PLEKHG7: variants seen among roughly 807,000 people sequenced by gnomAD.
The protein encoded by PLEKHG7 is pleckstrin homology domain-containing family G member 7.
Under a neutral mutation model 85.2 loss-of-function variants are expected in PLEKHG7, and 77 were observed. That is an observed-to-expected ratio of 0.90 (90% CI 0.75 to 1.09). The LOEUF (loss-of-function observed/expected upper bound fraction) is 1.09. PLEKHG7 is among the 50% of genes least tolerant of loss of function. The probability of loss-of-function intolerance (pLI) is 0.00; values close to 1 mark genes in which losing one functional copy is unlikely to be tolerated. For missense variants in PLEKHG7, 777 were observed against 804.3 expected (o/e 0.97, Z 0.41); for synonymous variants, 301 against 302.4 (o/e 1.00, Z 0.05).
At chr12:92,754,771 T>G (rs1872780786) in intron 11 of PLEKHG7, among the ~76,000 whole-genome samples, 1 of 152,198 alleles carries the variant, frequency 6.6e-6, no homozygotes, top group Non-Finnish European at 1.5e-5. Context: ...TTAAGTTTAT[T>G]TGTGTAACTC....
chr12:92,705,037 C>T (rs898554118), intron 1 of PLEKHG7, among the ~76,000 whole-genome samples: 14 of 152,336 alleles, frequency 9.2e-5, no homozygotes, highest in Admixed American at 7.2e-4. Context: ...ATTATCTATT[C>T]ACAAGGTTGT....
At chr12:92,763,152 A>G (rs1293929962) in intron 14 of PLEKHG7, among the ~76,000 whole-genome samples, 1 of 152,210 alleles carries the variant, frequency 6.6e-6, no homozygotes, top group Admixed American at 6.5e-5. Context: ...TATGCATCAC[A>G]AGTTGATTCC....
chr12:92,712,026 G>A (rs1871376318), intron 3 of PLEKHG7, among the ~76,000 whole-genome samples: 1 of 152,174 alleles, frequency 6.6e-6, no homozygotes, highest in South Asian at 2.1e-4. Flanking sequence ...TATCTTGAAA[G>A]GTCCCACACC....
In PLEKHG7 at chr12:92,745,727, T is replaced by G. The variant is rs191788542; in HGVS notation, c.1251+136T>G. On this transcript the variant is annotated intron_variant, in intron 10 of 16. Coordinates refer to ENST00000344636, the MANE Select transcript of PLEKHG7 (RefSeq NM_001377329.1). ...CAATAATATGTTTTAACTACAAATC[T>G]GCTTTCCTCATAAATACATTGTCCA... 3 of 616,040 alleles carry G rather than the reference T, an allele frequency of 4.9e-6. No homozygotes were observed. The East Asian group carries it at 8.6e-5, about 18-fold the overall frequency. The allele number at this position is 616,040 out of a possible 1,614,324, so 38.2% of individuals were successfully genotyped here. A position where few individuals can be genotyped will look rare whatever the true frequency, so the allele number is the denominator to read the frequency against.
intron 1 of PLEKHG7, among the ~76,000 whole-genome samples, chr12:92,703,793 T>C (rs1013486613): frequency 1.3e-5 from 2 of 152,240 alleles, no homozygotes; most frequent in African/African-American, 4.8e-5. Flanking sequence ...CAGTGGCTAA[T>C]AAATAATTCT....
At chr12:92,710,969 A>G (rs1201678683) in intron 3 of PLEKHG7, among the ~76,000 whole-genome samples, 1 of 152,222 alleles carries the variant, frequency 6.6e-6, no homozygotes, top group African/African-American at 2.4e-5. Context: ...GACCACTCAG[A>G]GAGGTCTATC....
intron 3 of PLEKHG7, chr12:92,721,602 C>A: frequency 9.0e-7 from 1 of 1,113,236 alleles, no homozygotes; most frequent in South Asian, 4.5e-5. Context: ...GTGTCCTGCT[C>A]TAGAGAGCTG....
At chr12:92,708,618 A>G (rs1378079111) in intron 3 of PLEKHG7, 1 of 152,208 alleles carries the variant, frequency 6.6e-6, no homozygotes. Flanking sequence ...GGTTTAGCTG[A>G]GCAGTTCCAC....
intron 4 of PLEKHG7, among the ~76,000 whole-genome samples, chr12:92,729,807 T>G (rs1033533561): frequency 6.6e-6 from 1 of 152,114 alleles, no homozygotes; most frequent in African/African-American, 2.4e-5. Flanking sequence ...AAATCCAATG[T>G]ATAAAACAAA....
At chr12:92,744,959 G>A (rs1320633427) in intron 9 of PLEKHG7, among the ~76,000 whole-genome samples, 2 of 152,100 alleles carry the variant, frequency 1.3e-5, no homozygotes, top group African/African-American at 4.8e-5. Context: ...GAGCCACTGC[G>A]CCCAGCCAAG....
At chr12:92,758,568 C>T (rs1328242219) in intron 13 of PLEKHG7, among the ~76,000 whole-genome samples, 1 of 152,204 alleles carries the variant, frequency 6.6e-6, no homozygotes, top group Non-Finnish European at 1.5e-5. Context: ...AAGTGACTGT[C>T]ATAGATGTAT....
At chr12:92,761,081 G>T (rs1872976384) in intron 13 of PLEKHG7, among the ~76,000 whole-genome samples, 1 of 152,186 alleles carries the variant, frequency 6.6e-6, no homozygotes, top group Admixed American at 6.5e-5. Context: ...TACTGGATCA[G>T]TGCACCAGCC....
intron 3 of PLEKHG7, among the ~76,000 whole-genome samples, chr12:92,717,602 G>C (rs1035558068): frequency 2.6e-5 from 4 of 152,196 alleles, no homozygotes; most frequent in African/African-American, 9.7e-5. Flanking sequence ...TTATCATAAC[G>C]TAGTTTTGCT....
intron 13 of PLEKHG7, 138 bp downstream of exon 13, chr12:92,756,529 T>C: frequency 4.3e-6 from 3 of 694,936 alleles, no homozygotes; most frequent in Non-Finnish European, 7.6e-6. Context: ...AGAGTCCCTA[T>C]GGAGTCACAC....
intron 4 of PLEKHG7, 81 bp from the exon 5 acceptor site, chr12:92,732,152 A>G: frequency 2.5e-6 from 2 of 815,106 alleles, no homozygotes; most frequent in Middle Eastern, 4.1e-4. Flanking sequence ...TTCAAAAAGC[A>G]GGTTTTGTAA....
chr12:92,724,396 ATCT>A (rs1490406337), intron 3 of PLEKHG7, among the ~76,000 whole-genome samples: 3 of 152,198 alleles, frequency 2.0e-5, no homozygotes, highest in Non-Finnish European at 2.9e-5. Context: ...AGCCCTAATG[ATCT>A]TCTTATAAAA....
At chr12:92,730,292 A>G (rs1871945413) in intron 4 of PLEKHG7, among the ~76,000 whole-genome samples, 1 of 152,242 alleles carries the variant, frequency 6.6e-6, no homozygotes, top group South Asian at 2.1e-4. Flanking sequence ...AGTTCTAAAC[A>G]CAATGTGGCC....
intron 3 of PLEKHG7, among the ~76,000 whole-genome samples, chr12:92,727,979 CAT>C (rs1871872043): frequency 3.1e-5 from 4 of 130,624 alleles, no homozygotes; most frequent in South Asian, 2.5e-4. Flanking sequence ...TATATATACA[CAT>C]ATATACACAC....
At chr12:92,736,917 C>G (rs1428853028) in intron 6 of PLEKHG7, among the ~76,000 whole-genome samples, 1 of 152,154 alleles carries the variant, frequency 6.6e-6, no homozygotes, top group African/African-American at 2.4e-5. Context: ...AAGACAATTT[C>G]TAAAGGTCTC....
Sources: gnomAD v4.1 joint callset for allele counts (sites outside exome capture counted in the v4.1 genomes callset) on GRCh38, gnomAD v4.1.1 for gene constraint, MANE v1.5 for transcripts, NCBI Gene and HGNC (gene_info 2026-07-23, HGNC 2026-07-21) for gene names.